The following OPRM1 variants were observed in gnomAD, a reference collection of about 807,000 sequenced individuals.
OPRM1 encodes opioid receptor mu 1, also known as mu-type opioid receptor.
A neutral mutation model predicts 31.8 loss-of-function variants in OPRM1; 27 were observed. The observed-to-expected ratio is 0.85, with a 90% CI of 0.63 to 1.17. The LOEUF (loss-of-function observed/expected upper bound fraction) is 1.17, where lower values mean the gene tolerates loss of function less well. Among genes scored for constraint, OPRM1 ranks in the 50% most tolerant of loss-of-function variants. The pLI, the probability that OPRM1 is intolerant of heterozygous loss-of-function variation, is 0.00. For missense variants in OPRM1, 536 were observed against 511.1 expected, an observed-to-expected ratio of 1.05 and a Z score of -0.47; for synonymous variants, 196 against 189.9, an observed-to-expected ratio of 1.03 and a Z score of -0.26.
chr6:154,018,257 A>G (rs953385135), intron 1 of OPRM1, among the ~76,000 whole-genome samples: 1 of 152,024 alleles, frequency 6.6e-6, no homozygotes, highest in South Asian at 2.1e-4. Flanking sequence ...TCTCTCTTCT[A>G]AAAATATAAA....
chr6:154,014,857 C>T (rs1777919298), intron 1 of OPRM1, among the ~76,000 whole-genome samples: 1 of 152,032 alleles, frequency 6.6e-6, no homozygotes, highest in Non-Finnish European at 1.5e-5. Context: ...AAAAAGTAAG[C>T]CTGCCAAAAG....
At chr6:154,213,236 C>T in intron 3 of OPRM1, 1 of 210,210 alleles carries the variant, frequency 4.8e-6, no homozygotes, top group Non-Finnish European at 9.8e-6. Context: ...ATCAGTGGTG[C>T]ACAACTTGTG....
At chr6:154,089,585 C>CAAAA (rs5881062) in intron 1 of OPRM1, among the ~76,000 whole-genome samples, 2 of 129,612 alleles carry the variant, frequency 1.5e-5, no homozygotes, top group African/African-American at 5.7e-5. Flanking sequence ...AGATCCTATC[C>CAAAA]AAAAAAAAAA....
In OPRM1 at chr6:154,123,147, C is replaced by T. The variant is rs1177477701; in HGVS notation, c.*4426C>T. ...CTCATCTCTGCAGCTATTTGAGTAA[C>T]TTCTCTTATCTGAAAAGCTGTCTGT... is the stretch of plus-strand genomic sequence containing the variant. On this transcript the variant is annotated 3_prime_UTR_variant, in exon 4 of 4. Transcript: ENST00000330432. Among the ~76,000 whole-genome samples the T allele has an allele frequency of 1.3e-5, 2 of 152,160 alleles. No individual in the cohort carries two copies. The highest frequency in any genetic ancestry group is 4.1e-4 in the South Asian group (2 of 4,832).
intron 3 of OPRM1, among the ~76,000 whole-genome samples, chr6:154,144,980 T>C (rs537024864): frequency 6.6e-6 from 1 of 152,124 alleles, no homozygotes; most frequent in African/African-American, 2.4e-5. Flanking sequence ...CAATAGGAAC[T>C]CCATCAACTA....
At position 154,122,326 on chromosome 6, in the gene OPRM1, A is replaced by T. The variant is rs956715635; in HGVS notation, c.*3605A>T. The stretch of plus-strand genomic sequence containing the variant: ...CAAGATTCTTGCCTGGATTCTCAAC[A>T]TAAGTCTTTACTCACAGGCCTATTG... On this transcript the variant is annotated 3_prime_UTR_variant, in exon 4 of 4. Coordinates refer to ENST00000330432, the MANE Select transcript of OPRM1 (RefSeq NM_000914.5). Among the ~76,000 whole-genome samples the T allele has an allele frequency of 5.3e-5, 8 of 152,198 alleles. No individual in the cohort carries two copies. The highest frequency in any genetic ancestry group is 1.9e-4 in the African/African-American group (8 of 41,464).
intron 1 of OPRM1, chr6:154,087,917 A>G (rs1157980437): frequency 1.3e-5 from 2 of 152,350 alleles, no homozygotes; most frequent in East Asian, 1.9e-4. Context: ...TTCTACTATC[A>G]TATTTCTAAT....
chr6:154,073,145 A>G (rs559392488), intron 1 of OPRM1, among the ~76,000 whole-genome samples: 2 of 152,330 alleles, frequency 1.3e-5, no homozygotes, highest in African/African-American at 4.8e-5. Context: ...CATTGCAGAT[A>G]AACTAAGATG....
intron 3 of OPRM1, among the ~76,000 whole-genome samples, chr6:154,153,955 C>A (rs17085097): frequency 0.066 from 10,093 of 152,188 alleles, 973 homozygotes; most frequent in African/African-American, 0.21. Context: ...AGATTGTTCC[C>A]GAAATCAGGA....
intron 1 of OPRM1, among the ~76,000 whole-genome samples, chr6:154,080,529 T>C (rs971480033): frequency 2.0e-5 from 3 of 152,248 alleles, no homozygotes; most frequent in Non-Finnish European, 4.4e-5. Context: ...CACTCACTTA[T>C]TTCTGACGTA....
At chr6:154,075,830 G>A (rs1307845975) in intron 1 of OPRM1, among the ~76,000 whole-genome samples, 3 of 152,178 alleles carry the variant, frequency 2.0e-5, no homozygotes, top group Non-Finnish European at 4.4e-5. Context: ...CACATCTGGG[G>A]AATCCCAGTC....
intron 3 of OPRM1, among the ~76,000 whole-genome samples, chr6:154,106,775 T>C (rs1230798371): frequency 6.6e-6 from 1 of 152,210 alleles, no homozygotes; most frequent in Non-Finnish European, 1.5e-5. Context: ...CCCCAGGCCT[T>C]ATCTAGAATT....
At position 154,129,824 on chromosome 6, in the gene OPRM1, A is replaced by G. The variant is rs996805123; in HGVS notation, c.*11103A>G. 2.7e-5 allele frequency among the ~76,000 whole-genome samples: 4 copies of G among 149,468 alleles called. No homozygotes were observed. The highest frequency in any genetic ancestry group is 6.7e-5 in the Admixed American group (1 of 15,020). ...GTCAGGCACTTTGCATTTTAAGCGT[A>G]CTTTACCACCGACACCCTCCCCCCC... On this transcript the variant is annotated 3_prime_UTR_variant, in exon 4 of 4. Coordinates refer to ENST00000330432, the MANE Select transcript of OPRM1 (RefSeq NM_000914.5).
chr6:154,067,769 C>T (rs1445644009), intron 1 of OPRM1, among the ~76,000 whole-genome samples: 1 of 151,910 alleles, frequency 6.6e-6, no homozygotes, highest in African/African-American at 2.4e-5. Flanking sequence ...ACCTCCTTCC[C>T]TCTTCAATTC....
At position 154,203,224 on chromosome 6, in the gene OPRM1, C is replaced by G. The variant is rs150809279; in HGVS notation, c.1165-43469C>G. Among the ~76,000 whole-genome samples the G allele has an allele frequency of 1.4e-3, 212 of 152,288 alleles. 1 individual carries two copies. Among genetic ancestry groups the G allele is most frequent in the African/African-American group, 4.9e-3 (203 of 41,578 alleles). ...CAGTGCTAGTCTCTCCTCTCCGCCC[C>G]ACCTCTACTGGTAAATATGAGCCCA... On this transcript the variant is annotated intron_variant, in intron 3 of 3. Coordinates refer to the OPRM1 transcript ENST00000337049.
chr6:154,085,888 C>CTTTTTTTTTTTTTTTTTTT (rs779654564), intron 1 of OPRM1, among the ~76,000 whole-genome samples: 4 of 123,974 alleles, frequency 3.2e-5, no homozygotes, highest in East Asian at 2.2e-4. Context: ...AAAGCTTGCC[C>CTTTTTTTTTTTTTTTTTTT]TTTTTTTTTT....
chr6:154,048,836 A>G (rs1781658672), intron 1 of OPRM1, among the ~76,000 whole-genome samples: 1 of 152,230 alleles, frequency 6.6e-6, no homozygotes, highest in African/African-American at 2.4e-5. Flanking sequence ...AAGGGAATAT[A>G]TGGTTACTCT....
intron 1 of OPRM1, among the ~76,000 whole-genome samples, chr6:154,032,386 G>A (rs1190235719): frequency 6.6e-6 from 1 of 152,178 alleles, no homozygotes; most frequent in African/African-American, 2.4e-5. Flanking sequence ...CCAATTGCCT[G>A]TGATTTAAAC....
chr6:154,246,766 A>G (rs781631857), exon 4 of OPRM1: 4 of 1,613,406 alleles, frequency 2.5e-6, no homozygotes, highest in East Asian at 2.2e-5. Flanking sequence ...AAAACCTGCA[A>G]TGATTACATG....
Sources: gnomAD v4.1 joint callset for allele counts (sites outside exome capture counted in the v4.1 genomes callset) on GRCh38, gnomAD v4.1.1 for gene constraint, MANE v1.5 for transcripts, NCBI Gene and HGNC (gene_info 2026-07-23, HGNC 2026-07-21) for gene names.